The following DNAH14 variants were observed in gnomAD, a reference collection of about 807,000 sequenced individuals.
The protein encoded by DNAH14 is axonemal beta dynein heavy chain 14.
A neutral mutation model predicts 520.9 loss-of-function variants in DNAH14; 478 were observed. The observed-to-expected ratio is 0.92, with a 90% CI of 0.85 to 0.99. The LOEUF (loss-of-function observed/expected upper bound fraction) is 0.99, where lower values mean the gene tolerates loss of function less well. DNAH14 is among the 50% of genes least tolerant of loss of function. The pLI, the probability that DNAH14 is intolerant of heterozygous loss-of-function variation, is 0.00. For missense variants in DNAH14, 4,831 were observed against 5,234.5 expected, an observed-to-expected ratio of 0.92 and a Z score of 2.38; for synonymous variants, 1,581 against 1,757.2, an observed-to-expected ratio of 0.90 and a Z score of 2.51.
chr1:225,130,883 A>G (rs75176167), intron 27 of DNAH14, among the ~76,000 whole-genome samples: 1,672 of 152,264 alleles, frequency 0.011, 17 homozygotes, highest in Non-Finnish European at 0.016. Context: ...GTACAATAAA[A>G]TGAAGCACAA....
Position 225,364,837 on chromosome 1 carries a change from G to T in DNAH14, c.12033G>T (p.Trp4011Cys). ...NVTIDPEFRL[W>C]LSSKSYSSFP... ...CAATAGACCCTGAGTTTCGGCTATG[G>T]TTAAGCTCAAAATCATACAGTTCTT... Residue 4011 changes from tryptophan to cysteine, a missense_variant, in exon 76 of 86, where the codon TGG becomes TGT. Trp to Cys is a radical substitution (Grantham distance 215, BLOSUM62 -2). Transcript: ENST00000682510. 2 of 1,548,898 alleles carry T rather than the reference G, an allele frequency of 1.3e-6. No individual in the cohort carries two copies. Among genetic ancestry groups the T allele is most frequent in the Non-Finnish European group, 1.7e-6 (2 of 1,146,024 alleles).
chr1:225,094,229 A>G (rs963647035), intron 21 of DNAH14, among the ~76,000 whole-genome samples: 1 of 152,168 alleles, frequency 6.6e-6, no homozygotes, highest in Admixed American at 6.5e-5. Flanking sequence ...TTCAAACTAT[A>G]CTTCAAGGCT....
In DNAH14 at chr1:225,082,562, C is replaced by A. The variant is rs550075780; in HGVS notation, c.3150C>A (p.Ser1050Arg). The A allele has an allele frequency of 1.3e-6, 2 of 1,548,188 alleles. No individual in the cohort carries two copies. Among genetic ancestry groups the A allele is most frequent in the Admixed American group, 2.0e-5 (1 of 50,522 alleles). Residue 1050 changes from serine (S) to arginine (R), a missense_variant, in exon 20 of 86, where the codon AGC becomes AGA. Physicochemically the swap from Ser to Arg is moderately radical, Grantham distance 110. Coordinates refer to ENST00000682510, the MANE Select transcript of DNAH14 (RefSeq NM_001367479.1). ...ISVLEKGLPKSDMVTHLKQVV... is the reference protein window; with the variant it reads ...ISVLEKGLPKRDMVTHLKQVV... ...TGTTATTTATAGGTTTACCTAAAAG[C>A]GATATGGTAACACATCTTAAGCAAG...
intron 54 of DNAH14, among the ~76,000 whole-genome samples, chr1:225,286,621 C>T (rs879317674): frequency 4.6e-5 from 7 of 152,090 alleles, no homozygotes; most frequent in Non-Finnish European, 1.0e-4. Flanking sequence ...TCATTCATAG[C>T]TGGTGGGAAT....
At chr1:225,397,012 T>C (rs2096019595) in intron 84 of DNAH14, 1 of 1,880 alleles carries the variant, frequency 5.3e-4, no homozygotes, top group South Asian at 8.5e-3. Context: ...AGTAAAATTC[T>C]TTTTTTTTTT....
chr1:224,999,754 A>G (rs1026758207), intron 8 of DNAH14, among the ~76,000 whole-genome samples: 3 of 152,014 alleles, frequency 2.0e-5, no homozygotes, highest in Non-Finnish European at 4.4e-5. Context: ...AGTGGTTGCT[A>G]TAGTATAAGA....
intron 23 of DNAH14, 75 bp downstream of exon 23, chr1:225,100,959 G>A: frequency 2.5e-6 from 3 of 1,213,408 alleles, no homozygotes; most frequent in South Asian, 3.5e-5. Flanking sequence ...GTAATCTACT[G>A]CAGAAGCTAA....
At chr1:225,096,974 T>C in intron 21 of DNAH14, 144 bp from the exon 22 acceptor site, 1 of 657,368 alleles carries the variant, frequency 1.5e-6, no homozygotes. Context: ...CAATTAGATC[T>C]GTATTCATTT....
At chr1:225,381,604 T>C in intron 81 of DNAH14, 25 bp downstream of exon 81, 2 of 1,475,658 alleles carry the variant, frequency 1.4e-6, no homozygotes, top group Non-Finnish European at 1.8e-6. Context: ...TTATTTCCTA[T>C]TTTCTTGCTT....
At chr1:225,155,761 C>G (rs766451841) in intron 34 of DNAH14, among the ~76,000 whole-genome samples, 5 of 152,166 alleles carry the variant, frequency 3.3e-5, no homozygotes, top group Non-Finnish European at 7.3e-5. Context: ...GCTCCCTTCT[C>G]TCTAGTCTGT....
chr1:225,202,938 C>G (rs1172670625), intron 38 of DNAH14, among the ~76,000 whole-genome samples: 1 of 152,200 alleles, frequency 6.6e-6, no homozygotes, highest in Non-Finnish European at 1.5e-5. Context: ...TCACACAACT[C>G]ATGCAGATCT....
chr1:225,022,290 A>G (rs2065769511), intron 10 of DNAH14, among the ~76,000 whole-genome samples: 1 of 152,196 alleles, frequency 6.6e-6, no homozygotes, highest in Admixed American at 6.5e-5. Context: ...ATGGCAAGCA[A>G]AATTATCAAC....
At chr1:225,297,310 T>C (rs1396413883) in intron 55 of DNAH14, among the ~76,000 whole-genome samples, 7 of 152,100 alleles carry the variant, frequency 4.6e-5, no homozygotes, top group African/African-American at 1.7e-4. Flanking sequence ...TCTTGTATCT[T>C]ACTGCATTTC....
intron 6 of DNAH14, 95 bp from the exon 7 acceptor site, chr1:224,968,664 G>T (rs1345516315): frequency 3.8e-6 from 3 of 781,740 alleles, no homozygotes; most frequent in Non-Finnish European, 5.8e-6. Context: ...GAAGTTACAA[G>T]AAGTTATCAG....
At chr1:225,137,432 T>G (rs2079044020) in intron 27 of DNAH14, among the ~76,000 whole-genome samples, 1 of 152,160 alleles carries the variant, frequency 6.6e-6, no homozygotes, top group Non-Finnish European at 1.5e-5. Flanking sequence ...CTCAGCTCAC[T>G]GCAAACTCCA....
chr1:225,210,860 A>G (rs1382178657), intron 41 of DNAH14, among the ~76,000 whole-genome samples: 1 of 152,212 alleles, frequency 6.6e-6, no homozygotes, highest in East Asian at 1.9e-4. Flanking sequence ...CCAGGCAAAC[A>G]GGATCTGGAG....
chr1:224,974,172 T>C lies in DNAH14; in HGVS notation c.830+19T>C, dbSNP rs2061664944. ...AGAGCAGGTAAGTTTTGATACGCAA[T>C]ATATAAAAATTTCAAAAGGAAGCTG... On this transcript the variant is annotated intron_variant, in intron 8 of 85. Transcript: ENST00000682510. 2 of 1,431,732 alleles carry C rather than the reference T, an allele frequency of 1.4e-6. No individual in the cohort carries two copies. The highest frequency in any genetic ancestry group is 2.9e-5 in the African/African-American group (2 of 68,822). 88.7% of individuals were successfully genotyped at this position (1,431,732 alleles called of 1,614,324 possible).
chr1:225,011,956 G>A (rs1290991615), intron 10 of DNAH14, among the ~76,000 whole-genome samples: 3 of 151,858 alleles, frequency 2.0e-5, no homozygotes, highest in African/African-American at 4.8e-5. Flanking sequence ...TTACATTTAA[G>A]GTTAATATTA....
rs772094811 is a variant in DNAH14, at chr1:225,204,205, A to T, written c.5909A>T (p.Asp1970Val). 68 of 1,477,416 alleles carry T rather than the reference A, an allele frequency of 4.6e-5. No individual in the cohort carries two copies. Among genetic ancestry groups the T allele is most frequent in the Non-Finnish European group, 5.9e-5 (66 of 1,121,938 alleles). The allele number at this position is 1,477,416 out of a possible 1,614,324, so 91.5% of individuals were successfully genotyped here. Residue 1970 changes from aspartate to valine, a missense_variant, in exon 39 of 86, where the codon GAT (aspartate) becomes GTT (valine). By Grantham distance (152) the Asp-to-Val change is radical (BLOSUM62 -3). Transcript: ENST00000682510. ...LSNVFKLDSS[D>V]TTETDDNIFE... The stretch of plus-strand genomic sequence containing the variant: ...TAGGTTTTCAAACTTGATTCCTCTG[A>T]TACAACAGAGACTGATGATAATATT...
Sources: allele counts gnomAD v4.1 joint callset (sites outside exome capture counted in the v4.1 genomes callset), GRCh38; gene constraint gnomAD v4.1.1; transcripts MANE v1.5; gene names NCBI Gene and HGNC (gene_info 2026-07-23, HGNC 2026-07-21).